The following SLC12A8 variants were observed in gnomAD, a reference collection of about 807,000 sequenced individuals.
The protein encoded by SLC12A8 is solute carrier family 12 member 8.
A neutral mutation model predicts 75.6 loss-of-function variants in SLC12A8; 69 were observed. That is an observed-to-expected ratio of 0.91 (90% CI 0.75 to 1.11). The LOEUF (loss-of-function observed/expected upper bound fraction) is 1.11. Ranked by LOEUF, SLC12A8 falls within the 50% of genes most tolerant of loss-of-function variation. The pLI is 0.00. For synonymous variants in SLC12A8, 365 were observed against 372.8 expected (o/e 0.98, Z 0.24); for missense variants, 877 against 896.7 (o/e 0.98, Z 0.28).
At chr3:125,113,599 T>C (rs762099089) in intron 8 of SLC12A8, among the ~76,000 whole-genome samples, 26 of 152,204 alleles carry the variant, frequency 1.7e-4, no homozygotes, top group Non-Finnish European at 5.9e-5. Context: ...TCTATTCATA[T>C]CAGACTGAAA....
chr3:125,086,735 C>A (rs1938468695), intron 13 of SLC12A8, among the ~76,000 whole-genome samples: 1 of 152,202 alleles, frequency 6.6e-6, no homozygotes, highest in African/African-American at 2.4e-5. Context: ...AGATCACTCA[C>A]CCTCTCTGCA....
chr3:125,094,937 A>G (rs1938675542), intron 10 of SLC12A8, among the ~76,000 whole-genome samples: 1 of 152,138 alleles, frequency 6.6e-6, no homozygotes, highest in Non-Finnish European at 1.5e-5. Flanking sequence ...TCTTGGAAAA[A>G]TTATCCTCTA....
chr3:125,172,274 T>TA (rs34741672), intron 5 of SLC12A8, among the ~76,000 whole-genome samples: 47,895 of 145,678 alleles, frequency 0.33, 8,146 homozygotes, highest in Middle Eastern at 0.45. Flanking sequence ...AACTCCTTCT[T>TA]AAAAAAAAAA....
intron 3 of SLC12A8, among the ~76,000 whole-genome samples, chr3:125,190,118 GATGAGCCCTGAC>G (rs1934879189): frequency 6.6e-6 from 1 of 152,222 alleles, no homozygotes; most frequent in Non-Finnish European, 1.5e-5. Context: ...TCCGGCTCAT[GATGAGCCCTGAC>G]TTCTGTGCTC....
At chr3:125,149,212 A>G (rs1933861192) in intron 5 of SLC12A8, among the ~76,000 whole-genome samples, 1 of 152,180 alleles carries the variant, frequency 6.6e-6, no homozygotes, top group African/African-American at 2.4e-5. Context: ...GAAGCTGGGC[A>G]GCGCTCGCTC....
intron 7 of SLC12A8, chr3:125,119,844 C>A (rs1246141171): frequency 2.2e-6 from 1 of 456,620 alleles, no homozygotes; most frequent in African/African-American, 2.0e-5. Flanking sequence ...GGTCTCTGAT[C>A]TCTTTGCCTC....
At chr3:125,187,808 T>C (rs1171367119) in intron 3 of SLC12A8, among the ~76,000 whole-genome samples, 1 of 137,768 alleles carries the variant, frequency 7.3e-6, no homozygotes, top group African/African-American at 2.7e-5. Flanking sequence ...CTCCTGCTCA[T>C]TCTGTACCTT....
chr3:125,115,309 G>A (rs1418955635), intron 8 of SLC12A8, among the ~76,000 whole-genome samples: 1 of 152,124 alleles, frequency 6.6e-6, no homozygotes, highest in Non-Finnish European at 1.5e-5. Flanking sequence ...ATCACCTGAG[G>A]TCAGGAGTTC....
intron 5 of SLC12A8, among the ~76,000 whole-genome samples, chr3:125,172,798 G>T (rs957190379): frequency 6.6e-6 from 1 of 152,100 alleles, no homozygotes; most frequent in African/African-American, 2.4e-5. Flanking sequence ...GGATTGTTTG[G>T]AATTGTTTCG....
intron 10 of SLC12A8, among the ~76,000 whole-genome samples, chr3:125,095,042 G>C (rs1233568641): frequency 6.6e-6 from 1 of 152,132 alleles, no homozygotes; most frequent in Non-Finnish European, 1.5e-5. Context: ...AAATATTGGA[G>C]TATTCCAACA....
At chr3:125,145,645 T>A (rs543371469) in intron 5 of SLC12A8, among the ~76,000 whole-genome samples, 1 of 150,644 alleles carries the variant, frequency 6.6e-6, no homozygotes, top group African/African-American at 2.4e-5. Context: ...AAATGGCAGA[T>A]AATACCAAAC....
intron 3 of SLC12A8, among the ~76,000 whole-genome samples, chr3:125,189,747 G>A (rs535830382): frequency 6.6e-6 from 1 of 152,330 alleles, no homozygotes; most frequent in South Asian, 2.1e-4. Context: ...TGCATGAGAT[G>A]GCACTGTGTG....
chr3:125,151,702 C>T (rs930326549), intron 5 of SLC12A8: 6 of 152,336 alleles, frequency 3.9e-5, no homozygotes, highest in African/African-American at 4.8e-5. Flanking sequence ...GACTGTCTTA[C>T]GTTTATTTAG....
intron 10 of SLC12A8, among the ~76,000 whole-genome samples, chr3:125,100,017 G>A (rs144313538): frequency 5.3e-5 from 8 of 152,304 alleles, no homozygotes; most frequent in Non-Finnish European, 1.0e-4. Context: ...AATGAAAAAT[G>A]TACTAGATGC....
At chr3:125,118,908 C>T (rs1173046159) in intron 7 of SLC12A8, 52 bp from the exon 8 acceptor site, 1 of 1,228,346 alleles carries the variant, frequency 8.1e-7, no homozygotes. Flanking sequence ...CTCACCCAGC[C>T]CCATCCAATT....
chr3:125,132,260 T>G (rs1287734394), intron 6 of SLC12A8, among the ~76,000 whole-genome samples: 1 of 152,198 alleles, frequency 6.6e-6, no homozygotes, highest in African/African-American at 2.4e-5. Flanking sequence ...TCTTTTTGTT[T>G]TATAAAAATG....
intron 5 of SLC12A8, among the ~76,000 whole-genome samples, chr3:125,165,974 G>T (rs76446910): frequency 1.3e-5 from 2 of 152,110 alleles, no homozygotes; most frequent in Non-Finnish European, 2.9e-5. Flanking sequence ...TGTCAGAAAG[G>T]TTTTTTTAAA....
At chr3:125,099,545 T>C (rs1450393505) in intron 10 of SLC12A8, among the ~76,000 whole-genome samples, 2 of 152,112 alleles carry the variant, frequency 1.3e-5, no homozygotes, top group Non-Finnish European at 2.9e-5. Context: ...CTGTTAAAAA[T>C]ATATTTAAAG....
At chr3:125,207,478 T>C (rs968796352) in intron 2 of SLC12A8, among the ~76,000 whole-genome samples, 10 of 152,212 alleles carry the variant, frequency 6.6e-5, no homozygotes, top group African/African-American at 1.2e-4. Context: ...GAGATTGCTG[T>C]TGGTTTTGTA....
Sources: allele counts gnomAD v4.1 joint callset (sites outside exome capture counted in the v4.1 genomes callset), GRCh38; gene constraint gnomAD v4.1.1; transcripts MANE v1.5; gene names NCBI Gene and HGNC (gene_info 2026-07-23, HGNC 2026-07-21).